SLC5A6: variants seen among roughly 807,000 people sequenced by gnomAD.
The protein encoded by SLC5A6 is solute carrier family 5 member 6.
SLC5A6 carries 31 observed loss-of-function variants against 67.9 expected under a neutral mutation model. That is an observed-to-expected ratio of 0.46 (90% confidence interval 0.34 to 0.62). The LOEUF is 0.62. Ranked by LOEUF, SLC5A6 falls within the 20% of genes least tolerant of loss-of-function variation. SLC5A6 has a pLI of 0.01. For synonymous variants in SLC5A6, 343 were observed against 331.0 expected, an observed-to-expected ratio of 1.04 and a Z score of -0.39; for missense variants, 673 against 812.8, an observed-to-expected ratio of 0.83 and a Z score of 2.09.
rs770668466 is a variant in SLC5A6, at chr2:27,201,764, G to A, written c.1446C>T (p.Ser482=). Residue 482 remains serine (S), a synonymous_variant, in exon 14 of 17, where the codon AGC becomes AGT. Transcript: ENST00000310574. ...ACCCATTAGAGGGAGAGGGTGGCAT[G>A]CTGGAGCCCATGCTGGTCACGATGC... ...IGSIVTSMGS[S]MPPSPSNGSS... 16 of 1,614,028 alleles carry A rather than the reference G, an allele frequency of 9.9e-6. No homozygotes were observed. Among genetic ancestry groups the A allele is most frequent in the Admixed American group, 3.3e-5 (2 of 60,004 alleles).
In SLC5A6 at chr2:27,207,829, T is replaced by C. The variant is rs1674187187; in HGVS notation, c.-140-39A>G. On this transcript the variant is annotated intron_variant, in intron 2 of 16. Coordinates refer to ENST00000310574, the MANE Select transcript of SLC5A6 (RefSeq NM_021095.4). This position sits in a 1 kb window ranked among gnomAD's most constrained non-coding sequence, Gnocchi z 5.5. ...AGCTCTTAGTGAGGCCTATCTGGCC[T>C]TGGTAGCCATTCACCCTTGGGCCTT... 1.6e-6 allele frequency: 1 copy of C among 621,818 alleles called. No individual in the cohort carries two copies. Among genetic ancestry groups the C allele is most frequent in the South Asian group, 2.0e-5 (1 of 50,108 alleles). The allele number at this position is 621,818 out of a possible 1,614,324, so 38.5% of individuals were successfully genotyped here.
chr2:27,201,145 T>C (rs1167985788), intron 15 of SLC5A6, 32 bp from the exon 16 acceptor site: 5 of 1,542,178 alleles, frequency 3.2e-6, no homozygotes, highest in Non-Finnish European at 4.5e-6. Flanking sequence ...AGTCTCTGGG[T>C]GGAACCATCC....
Position 27,211,940 on chromosome 2 carries a change from G to C in SLC5A6, c.-208+80C>G, listed in dbSNP as rs1464575643. 3.7e-5 allele frequency: 17 copies of C among 453,548 alleles called. No homozygotes were observed. In the South Asian group the frequency reaches 5.1e-4, roughly 14 times the overall value. 28.1% of individuals were successfully genotyped at this position (453,548 alleles called of 1,614,324 possible). On this transcript the variant is annotated intron_variant, in intron 1 of 16. Coordinates refer to ENST00000310574, the MANE Select transcript of SLC5A6 (RefSeq NM_021095.4). ...ACGTGGGTAGCCAGAGCCCGGCCGA[G>C]AGCCCTGGCCGGGAGCCCGCGGGGG...
chr2:27,211,350 G>C (rs2148032757), intron 2 of SLC5A6, 117 bp downstream of exon 2: 1 of 152,398 alleles, frequency 6.6e-6, no homozygotes, highest in East Asian at 1.9e-4. Context: ...ACTTGGGTCG[G>C]CTTTAAGGAG....
intron 9 of SLC5A6, among the ~76,000 whole-genome samples, chr2:27,204,136 G>C (rs907088670): frequency 6.6e-6 from 1 of 152,124 alleles, no homozygotes; most frequent in Non-Finnish European, 1.5e-5. Flanking sequence ...CTACCTCATT[G>C]AGTCTGTTTT....
rs1240485269 is a variant in SLC5A6, at chr2:27,205,382, C to T, written c.702G>A (p.Val234=). ...CAGAGATGCGGCCGTGCTGGGAAGC[C>T]ACGGCCCACACACGCCCCAAGCCGC... ...KVGGLGRVWA[V]ASQHGRISGF... Residue 234 remains valine (V), a synonymous_variant, in exon 7 of 17, where the codon GTG becomes GTA. Coordinates refer to ENST00000310574, the MANE Select transcript of SLC5A6 (RefSeq NM_021095.4). 1.2e-6 allele frequency: 2 copies of T among 1,614,142 alleles called. No individual in the cohort carries two copies. The highest frequency in any genetic ancestry group is 1.7e-6 in the Non-Finnish European group (2 of 1,180,018).
intron 12 of SLC5A6, 77 bp downstream of exon 12, chr2:27,202,736 G>T: frequency 7.9e-7 from 1 of 1,258,682 alleles, no homozygotes; most frequent in Non-Finnish European, 1.2e-6. Flanking sequence ...CCTCAATATA[G>T]CTGCCCTTCT....
At chr2:27,200,887 T>TGA in intron 16 of SLC5A6, 111 bp downstream of exon 16, 1 of 721,734 alleles carries the variant, frequency 1.4e-6, no homozygotes, top group Non-Finnish European at 2.4e-6. Context: ...TAGCTGATCC[T>TGA]GAGAGAGGCA....
intron 7 of SLC5A6, 192 bp downstream of exon 7, chr2:27,205,158 C>T: frequency 1.4e-6 from 1 of 710,732 alleles, no homozygotes; most frequent in Non-Finnish European, 2.3e-6. Context: ...CAGGTAATGT[C>T]CTGACTCTCT....
In SLC5A6 at chr2:27,212,061, C is replaced by T. The variant is rs570744769; in HGVS notation, c.-249G>A. 1.5e-4 allele frequency: 175 copies of T among 1,140,752 alleles called. 1 individual carries two copies. In the Admixed American group the frequency reaches 6.1e-3, roughly 40 times the overall value. The allele number at this position is 1,140,752 out of a possible 1,614,324, so 70.7% of individuals were successfully genotyped here. On this transcript the variant is annotated 5_prime_UTR_variant, in exon 1 of 17. Transcript: ENST00000310574. ...GGCCCGAGTTTCTGCGAAGCCGCGA[C>T]CTCGGCGTCCGGACGCGGGGAACAC... is the stretch of plus-strand genomic sequence containing the variant.
chr2:27,200,525 C>G lies in SLC5A6; in HGVS notation c.1819G>C (p.Asp607His). Reference sequence around the variant, plus strand: ...GCCATGGCCTCCTTGTCTCTGCTGTCCCCCAGCACACCATTCCTCGGCTTC... The same window carrying G: ...GCCATGGCCTCCTTGTCTCTGCTGTGCCCCAGCACACCATTCCTCGGCTTC... ...PEKPRNGVLG[D>H]SRDKEAMALD... The change falls in exon 17 of 17, where the codon GAC becomes CAC. Residue 607 changes from aspartate (D) to histidine (H), a missense_variant. By Grantham distance (81) the Asp-to-His change is moderately conservative. Transcript: ENST00000310574. 1 of 1,613,984 alleles carries G rather than the reference C, an allele frequency of 6.2e-7. No homozygotes were observed. The highest frequency in any genetic ancestry group is 8.5e-7 in the Non-Finnish European group (1 of 1,179,876).
At chr2:27,205,618 T>G in intron 6 of SLC5A6, 114 bp from the exon 7 acceptor site, 1 of 1,327,082 alleles carries the variant, frequency 7.5e-7, no homozygotes. Flanking sequence ...TTTAGGCTTT[T>G]TGCAGCCTGA....
At position 27,207,810 on chromosome 2, in the gene SLC5A6, TAGTG is replaced by T. The variant is rs1674185960; in HGVS notation, c.-140-24_-140-21del. 3.0e-6 allele frequency: 2 copies of T among 669,106 alleles called. No homozygotes were observed. Among genetic ancestry groups the T allele is most frequent in the African/African-American group, 3.6e-5 (2 of 55,122 alleles). The allele number at this position is 669,106 out of a possible 1,614,324, so 41.4% of individuals were successfully genotyped here. On this transcript the variant is annotated intron_variant, in intron 2 of 16. Coordinates refer to ENST00000310574, the MANE Select transcript of SLC5A6 (RefSeq NM_021095.4). This position sits in a 1 kb window ranked among gnomAD's most constrained non-coding sequence, Gnocchi z 5.5. ...GGTGAGCTGCAAAGGAATTAGCTCT[TAGTG>T]AGGCCTATCTGGCCTTGGTAGCCAT...
intron 7 of SLC5A6, 62 bp from the exon 8 acceptor site, chr2:27,204,993 T>G (rs1673948238): frequency 6.3e-7 from 1 of 1,592,366 alleles, no homozygotes; most frequent in South Asian, 1.1e-5. Context: ...CCTGCCCTCT[T>G]GGCAACAGGA....
At position 27,203,841 on chromosome 2, in the gene SLC5A6, G is replaced by A. The variant is rs767533685; in HGVS notation, c.1032C>T (p.Leu344=). 2 of 1,614,056 alleles carry A rather than the reference G, an allele frequency of 1.2e-6. No homozygotes were observed. The highest frequency in any genetic ancestry group is 1.7e-5 in the Admixed American group (1 of 60,012). Residue 344 remains leucine (L), a synonymous_variant, in exon 10 of 17, where the codon CTC becomes CTT. Coordinates refer to ENST00000310574, the MANE Select transcript of SLC5A6 (RefSeq NM_021095.4). ...DQFVLYFVMD[L]LKGLPGLPGL... is the part of the protein sequence containing the mutation. ...CTGGCAGGCCTGGCAGGCCCTTCAG[G>A]AGATCCATCACAAAGTACAGGACGA... is the stretch of plus-strand genomic sequence containing the variant.
chr2:27,210,278 T>C (rs1426080468), intron 2 of SLC5A6, among the ~76,000 whole-genome samples: 1 of 152,188 alleles, frequency 6.6e-6, no homozygotes, highest in African/African-American at 2.4e-5. Flanking sequence ...GACCAGATTC[T>C]GAGAACAGAT....
At position 27,203,864 on chromosome 2, in the gene SLC5A6, C is replaced by A. The variant is rs758617703; in HGVS notation, c.1009G>T (p.Val337Phe). The A allele has an allele frequency of 6.2e-7, 1 of 1,613,524 alleles. No individual in the cohort carries two copies. The highest frequency in any genetic ancestry group is 1.1e-5 in the South Asian group (1 of 91,032). Residue 337 changes from valine (V) to phenylalanine (F), a missense_variant, in exon 10 of 17, where the codon GTC becomes TTC. By Grantham distance (50) the Val-to-Phe change is conservative. Coordinates refer to ENST00000310574, the MANE Select transcript of SLC5A6 (RefSeq NM_021095.4). ...AGGAGATCCATCACAAAGTACAGGACGAACTGCAAGCAGAGCGGAGGTACA... is the reference window on the plus strand; with the variant it reads ...AGGAGATCCATCACAAAGTACAGGAAGAACTGCAAGCAGAGCGGAGGTACA... ...QQAQAAPDQF[V>F]LYFVMDLLKG...
intron 9 of SLC5A6, 32 bp from the exon 10 acceptor site, chr2:27,203,899 TCA>T: frequency 1.3e-6 from 2 of 1,544,310 alleles, no homozygotes; most frequent in Non-Finnish European, 1.8e-6. Flanking sequence ...ACAGCAGTCC[TCA>T]GAGAGGGGTC....
chr2:27,204,620 G>A (rs1332517051), intron 8 of SLC5A6, 30 bp from the exon 9 acceptor site: 2 of 1,612,204 alleles, frequency 1.2e-6, no homozygotes, highest in Non-Finnish European at 1.7e-6. Flanking sequence ...CAGGAGGAGA[G>A]CCGGCGTTAA....
Sources: gnomAD v4.1 joint callset for allele counts (sites outside exome capture counted in the v4.1 genomes callset) on GRCh38, gnomAD v4.1.1 for gene constraint, Gnocchi (gnomAD v3.1) non-coding constraint, MANE v1.5 for transcripts, NCBI Gene and HGNC (gene_info 2026-07-23, HGNC 2026-07-21) for gene names.